IBA57: variants seen among roughly 807,000 people sequenced by gnomAD.
The protein encoded by IBA57 is iron-sulfur cluster assembly factor IBA57, also known as iron-sulfur cluster assembly factor IBA57, mitochondrial.
In IBA57, 20 loss-of-function variants were observed where a neutral mutation model predicts 20.4. The ratio of observed to expected loss-of-function variants is 0.98; its 90% CI spans 0.69 to 1.42. The LOEUF (loss-of-function observed/expected upper bound fraction) is 1.42, where lower values mean the gene tolerates loss of function less well. Among genes scored for constraint, IBA57 ranks in the 40% most tolerant of loss-of-function variants. The pLI is 0.00. For synonymous variants in IBA57, 310 were observed against 233.9 expected (o/e 1.33, Z -2.97); for missense variants, 608 against 499.3 (o/e 1.22, Z -2.07).
rs755109511 is a variant in IBA57 at position 228,174,772 on chromosome 1, C to G, written c.422C>G (p.Ala141Gly). ...SVQGALQKHL[A>G]LYRIRRKVTV... ...CAGGGCGCGCTGCAGAAGCACCTCG[C>G]GCTATACAGGATCCGGCGGAAGGTC... is the stretch of plus-strand genomic sequence containing the variant. Residue 141 changes from alanine (A) to glycine (G), a missense_variant, in exon 2 of 3, where the codon GCG becomes GGG. Physicochemically the swap from Ala to Gly is moderately conservative, Grantham distance 60. Coordinates refer to ENST00000366711, the MANE Select transcript of IBA57 (RefSeq NM_001010867.4). The G allele has an allele frequency of 1.9e-5, 31 of 1,610,334 alleles. No individual in the cohort carries two copies. Among genetic ancestry groups the G allele is most frequent in the Non-Finnish European group, 2.5e-5 (30 of 1,179,612 alleles).
rs2034979752 is a variant in IBA57 at position 228,174,700 on chromosome 1, A to T, written c.350A>T (p.Glu117Val). ...LYDVILYGLQ[E>V]HSEVSGFLLE... ...TGCCTCTCTCCCTGCAGGCTCCAGG[A>T]ACACTCGGAGGTGTCTGGCTTCCTT... The change falls in exon 2 of 3, where the codon GAA becomes GTA. Residue 117 changes from glutamate to valine, a missense_variant. Physicochemically the swap from Glu to Val is moderately radical, Grantham distance 121. Transcript: ENST00000366711. The T allele has an allele frequency of 6.4e-7, 1 of 1,562,682 alleles. No individual in the cohort carries two copies. Among genetic ancestry groups the T allele is most frequent in the Non-Finnish European group, 8.6e-7 (1 of 1,156,128 alleles).
rs11313764 is a variant in IBA57, at chr1:228,177,483, C to CTTTTTTTTTTTTT, written c.*1982_*1994dup. 1 of 52,464 alleles carries CTTTTTTTTTTTTT rather than the reference C, an allele frequency of 1.9e-5. No homozygotes were observed. The highest frequency in any genetic ancestry group is 3.5e-5 in the Non-Finnish European group (1 of 28,530). 3.2% of individuals were successfully genotyped at this position (52,464 alleles called of 1,614,324 possible). A position where few individuals can be genotyped will look rare whatever the true frequency, so the allele number is the denominator to read the frequency against. On this transcript the variant is annotated 3_prime_UTR_variant, in exon 3 of 3. Coordinates refer to ENST00000366711, the MANE Select transcript of IBA57 (RefSeq NM_001010867.4). ...AACACATTTCGTGTTCTTCTGTGTC[C>CTTTTTTTTTTTTT]TTTTTTTTTTTTTTTTTTTTTTTTG... is the stretch of plus-strand genomic sequence containing the variant.
chr1:228,177,045 C>G lies in IBA57; in HGVS notation c.*1532C>G, dbSNP rs2035037059. 6.6e-6 allele frequency: 1 copy of G among 152,292 alleles called. No homozygotes were observed. Among genetic ancestry groups the G allele is most frequent in the Non-Finnish European group, 1.5e-5 (1 of 68,076 alleles). The allele number at this position is 152,292 out of a possible 1,614,324, so 9.4% of individuals were successfully genotyped here. A position where few individuals can be genotyped will look rare whatever the true frequency, so the allele number is the denominator to read the frequency against. On this transcript the variant is annotated 3_prime_UTR_variant, in exon 3 of 3. Coordinates refer to ENST00000366711, the MANE Select transcript of IBA57 (RefSeq NM_001010867.4). ...ACCAGCATCCCTGCAACCTTTTCAGCCCCACTGGCTGCTGCTTTAAACTGG... is the reference window on the plus strand; with the variant it reads ...ACCAGCATCCCTGCAACCTTTTCAGGCCCACTGGCTGCTGCTTTAAACTGG...
chr1:228,173,409 C>CCCT (rs1470461427), intron 1 of IBA57: 3 of 138,882 alleles, frequency 2.2e-5, no homozygotes, highest in African/African-American at 7.9e-5. Flanking sequence ...GCCCCCCCCC[C>CCCT]CGACATGCCC....
At position 228,181,980 on chromosome 1, in the gene IBA57, C is replaced by G. The variant is rs2035118271; in HGVS notation, c.*6467C>G. On this transcript the variant is annotated 3_prime_UTR_variant, in exon 3 of 3. Transcript: ENST00000366711. ...CTGGGCTGTGGGCATCTGACCATCT[C>G]CAGTGTCCCCGTCTTTGATTTCCCT... 2 of 152,354 alleles carry G rather than the reference C, an allele frequency of 1.3e-5. No homozygotes were observed. The highest frequency in any genetic ancestry group is 2.1e-4 in the South Asian group (1 of 4,828). The allele number at this position is 152,354 out of a possible 1,614,324, so 9.4% of individuals were successfully genotyped here. A position where few individuals can be genotyped will look rare whatever the true frequency, so the allele number is the denominator to read the frequency against.
At chr1:228,174,618 G>T in intron 1 of IBA57, 74 bp from the exon 2 acceptor site, 3 of 1,361,682 alleles carry the variant, frequency 2.2e-6, no homozygotes, top group Non-Finnish European at 2.9e-6. Flanking sequence ...CGGGTAAGGC[G>T]CGCTCCCTCA....
Position 228,177,020 on chromosome 1 carries a change from A to T in IBA57, c.*1507A>T, listed in dbSNP as rs1036756496. The T allele has an allele frequency of 6.6e-6, 1 of 152,224 alleles. No individual in the cohort carries two copies. The highest frequency in any genetic ancestry group is 1.5e-5 in the Non-Finnish European group (1 of 68,052). 9.4% of individuals were successfully genotyped at this position (152,224 alleles called of 1,614,324 possible). A position where few individuals can be genotyped will look rare whatever the true frequency, so the allele number is the denominator to read the frequency against. On this transcript the variant is annotated 3_prime_UTR_variant, in exon 3 of 3. Transcript: ENST00000366711. Reference sequence around the variant, plus strand: ...GCGCCCAGCGCAGGATGGATTCCAGACCAGCATCCCTGCAACCTTTTCAGC... The same window carrying T: ...GCGCCCAGCGCAGGATGGATTCCAGTCCAGCATCCCTGCAACCTTTTCAGC...
chr1:228,174,130 T>A (rs943292834), intron 1 of IBA57, among the ~76,000 whole-genome samples: 2 of 151,422 alleles, frequency 1.3e-5, no homozygotes, highest in African/African-American at 4.8e-5. Flanking sequence ...CGTGGCTCGC[T>A]GTGGGCGTGG....
rs1571920933 is a variant in IBA57, at chr1:228,177,315, G to A, written c.*1802G>A. The A allele has an allele frequency of 2.0e-5, 3 of 152,148 alleles. No individual in the cohort carries two copies. Among genetic ancestry groups the A allele is most frequent in the Non-Finnish European group, 4.4e-5 (3 of 68,064 alleles). The allele number at this position is 152,148 out of a possible 1,614,324, so 9.4% of individuals were successfully genotyped here. Reference sequence around the variant, plus strand: ...GGGAGCATCCTAGCCTGTCCCGTGGGTGTGGCTGGGTGAGGGCTAGGAGGT... The same window carrying A: ...GGGAGCATCCTAGCCTGTCCCGTGGATGTGGCTGGGTGAGGGCTAGGAGGT... On this transcript the variant is annotated 3_prime_UTR_variant, in exon 3 of 3. Coordinates refer to ENST00000366711, the MANE Select transcript of IBA57 (RefSeq NM_001010867.4).
rs972911557 is a variant in IBA57, at chr1:228,180,822, T to C, written c.*5309T>C. On this transcript the variant is annotated 3_prime_UTR_variant, in exon 3 of 3. Coordinates refer to ENST00000366711, the MANE Select transcript of IBA57 (RefSeq NM_001010867.4). ...TCATCACACTCAGCTAATTTTTTTTTTTTTTTTTTACTTTTTGTAGAGATG... is the reference window on the plus strand; with the variant it reads ...TCATCACACTCAGCTAATTTTTTTTCTTTTTTTTTACTTTTTGTAGAGATG... 5.9e-5 allele frequency: 9 copies of C among 151,788 alleles called. No homozygotes were observed. The highest frequency in any genetic ancestry group is 8.8e-5 in the Non-Finnish European group (6 of 67,970). 9.4% of individuals were successfully genotyped at this position (151,788 alleles called of 1,614,324 possible).
chr1:228,178,947 C>G lies in IBA57; in HGVS notation c.*3434C>G, dbSNP rs2035068032. ...TGGGCTCCAAGCTGTAGGAGTGGTC[C>G]CTGGCTGCCAGAGTGCTCTGGCCAG... On this transcript the variant is annotated 3_prime_UTR_variant, in exon 3 of 3. Coordinates refer to ENST00000366711, the MANE Select transcript of IBA57 (RefSeq NM_001010867.4). 6.6e-6 allele frequency: 1 copy of G among 152,094 alleles called. No individual in the cohort carries two copies. Among genetic ancestry groups the G allele is most frequent in the South Asian group, 2.1e-4 (1 of 4,832 alleles). 9.4% of individuals were successfully genotyped at this position (152,094 alleles called of 1,614,324 possible).
rs1464669265 is a variant in IBA57, at chr1:228,177,048, C to T, written c.*1535C>T. 2 of 152,292 alleles carry T rather than the reference C, an allele frequency of 1.3e-5. No individual in the cohort carries two copies. The highest frequency in any genetic ancestry group is 1.5e-5 in the Non-Finnish European group (1 of 68,082). 9.4% of individuals were successfully genotyped at this position (152,292 alleles called of 1,614,324 possible). On this transcript the variant is annotated 3_prime_UTR_variant, in exon 3 of 3. Coordinates refer to ENST00000366711, the MANE Select transcript of IBA57 (RefSeq NM_001010867.4). ...AGCATCCCTGCAACCTTTTCAGCCC[C>T]ACTGGCTGCTGCTTTAAACTGGCAT...
Position 228,180,860 on chromosome 1 carries a change from CA to C in IBA57, c.*5348del. The C allele has an allele frequency of 6.7e-6, 1 of 150,354 alleles. No homozygotes were observed. The highest frequency in any genetic ancestry group is 1.5e-5 in the Non-Finnish European group (1 of 67,752). The allele number at this position is 150,354 out of a possible 1,614,324, so 9.3% of individuals were successfully genotyped here. A position where few individuals can be genotyped will look rare whatever the true frequency, so the allele number is the denominator to read the frequency against. ...TTTTGTAGAGATGGGGTTCTCACTG[CA>C]TTGCCCAGGCTGGTCTTGAATTTCT... On this transcript the variant is annotated 3_prime_UTR_variant, in exon 3 of 3. Transcript: ENST00000366711.
At chr1:228,166,196 C>G in intron 1 of IBA57, 39 bp downstream of exon 1, 3 of 1,361,584 alleles carry the variant, frequency 2.2e-6, no homozygotes, top group Non-Finnish European at 2.9e-6. Flanking sequence ...GGCGGGCACC[C>G]AGGGGAGTGG....
rs762055308 is a variant in IBA57 at position 228,175,086 on chromosome 1, C to T, written c.680-36C>T. Reference sequence around the variant, plus strand: ...TGCACGGGTGGAGCTGGACGATGTTCAATTCTCGCTGGTTTCCCCCCTCCA... The same window carrying T: ...TGCACGGGTGGAGCTGGACGATGTTTAATTCTCGCTGGTTTCCCCCCTCCA... On this transcript the variant is annotated intron_variant, in intron 2 of 2. Coordinates refer to ENST00000366711, the MANE Select transcript of IBA57 (RefSeq NM_001010867.4). 6 of 1,592,744 alleles carry T rather than the reference C, an allele frequency of 3.8e-6. No homozygotes were observed. In the East Asian group the frequency reaches 1.3e-4, roughly 36 times the overall value.
rs2124978967 is a variant in IBA57, at chr1:228,177,523, T to TCAA, written c.*2011_*2012insAAC. 7.6e-6 allele frequency: 1 copy of TCAA among 132,380 alleles called. No individual in the cohort carries two copies. Among genetic ancestry groups the TCAA allele is most frequent in the Non-Finnish European group, 1.6e-5 (1 of 64,448 alleles). 8.2% of individuals were successfully genotyped at this position (132,380 alleles called of 1,614,324 possible). The stretch of plus-strand genomic sequence containing the variant: ...TTTTTTTTTTGAGATGGAGTCTTGC[T>TCAA]CTGTTGGCCAGGCTGGAGCTCAGTG... On this transcript the variant is annotated 3_prime_UTR_variant, in exon 3 of 3. Coordinates refer to ENST00000366711, the MANE Select transcript of IBA57 (RefSeq NM_001010867.4).
chr1:228,175,549 C>T lies in IBA57; in HGVS notation c.*36C>T. 6.6e-7 allele frequency: 1 copy of T among 1,521,108 alleles called. No homozygotes were observed. Among genetic ancestry groups the T allele is most frequent in the Non-Finnish European group, 8.8e-7 (1 of 1,135,560 alleles). 94.2% of individuals were successfully genotyped at this position (1,521,108 alleles called of 1,614,324 possible). A position where few individuals can be genotyped will look rare whatever the true frequency, so the allele number is the denominator to read the frequency against. On this transcript the variant is annotated 3_prime_UTR_variant, in exon 3 of 3. Coordinates refer to ENST00000366711, the MANE Select transcript of IBA57 (RefSeq NM_001010867.4). Reference sequence around the variant, plus strand: ...TGGCTGGCGCAGGCTGATGGGGAGGCTGGGGCCTGGGGCCTTTGGCCTCTG... The same window carrying T: ...TGGCTGGCGCAGGCTGATGGGGAGGTTGGGGCCTGGGGCCTTTGGCCTCTG...
chr1:228,174,038 C>A (rs12732065), intron 1 of IBA57, among the ~76,000 whole-genome samples: 104 of 152,006 alleles, frequency 6.8e-4, no homozygotes, highest in African/African-American at 1.7e-3. Flanking sequence ...GCTGTGGGCG[C>A]GGCACTCTGC....
chr1:228,174,119 G>A (rs2034966502), intron 1 of IBA57, among the ~76,000 whole-genome samples: 1 of 150,510 alleles, frequency 6.6e-6, no homozygotes, highest in East Asian at 2.0e-4. Flanking sequence ...GTGGCTGTGG[G>A]CGTGGCTCGC....
Sources: allele counts gnomAD v4.1 joint callset (sites outside exome capture counted in the v4.1 genomes callset), GRCh38; gene constraint gnomAD v4.1.1; transcripts MANE v1.5; gene names NCBI Gene and HGNC (gene_info 2026-07-23, HGNC 2026-07-21).